The following PLCB1 variants were observed in gnomAD, a reference collection of about 807,000 sequenced individuals.
The protein encoded by PLCB1 is phospholipase C beta 1.
In PLCB1, 46 loss-of-function variants were observed where a neutral mutation model predicts 161.8. The ratio of observed to expected loss-of-function variants is 0.28; its 90% CI spans 0.22 to 0.36. PLCB1 has a LOEUF of 0.36. Ranked by LOEUF, PLCB1 falls within the 10% of genes least tolerant of loss-of-function variation. The pLI, the probability that PLCB1 is intolerant of heterozygous loss-of-function variation, is 1.00. For synonymous variants in PLCB1, 517 were observed against 503.7 expected (o/e 1.03, Z -0.35); for missense variants, 1,016 against 1,472.5 (o/e 0.69, Z 5.07).
At chr20:8,523,575 T>G (rs957683449) in intron 3 of PLCB1, among the ~76,000 whole-genome samples, 9 of 140,464 alleles carry the variant, frequency 6.4e-5, no homozygotes, top group African/African-American at 5.4e-5. Flanking sequence ...CACATGACCG[T>G]GAACGAATCT....
chr20:8,586,418 C>CT (rs774264389), intron 3 of PLCB1, among the ~76,000 whole-genome samples: 27 of 151,836 alleles, frequency 1.8e-4, no homozygotes, highest in Non-Finnish European at 3.5e-4. Flanking sequence ...TAGCCTTTGG[C>CT]TTTCTATCCA....
chr20:8,149,700 T>C (rs990195369), intron 1 of PLCB1, among the ~76,000 whole-genome samples: 2 of 152,164 alleles, frequency 1.3e-5, no homozygotes, highest in South Asian at 4.1e-4. Context: ...ATAATTACAA[T>C]GTATCCAAGT....
At chr20:8,653,707 A>C (rs960018219) in intron 7 of PLCB1, among the ~76,000 whole-genome samples, 1 of 151,990 alleles carries the variant, frequency 6.6e-6, no homozygotes, top group Admixed American at 6.6e-5. Context: ...TTATTTTTTA[A>C]ATCAAGAAAT....
chr20:8,146,645 C>G (rs576969732), intron 1 of PLCB1, among the ~76,000 whole-genome samples: 4 of 152,188 alleles, frequency 2.6e-5, no homozygotes, highest in African/African-American at 9.6e-5. Context: ...AATGTTGATT[C>G]CAGTGACTCT....
chr20:8,537,585 C>T (rs557577365), intron 3 of PLCB1, among the ~76,000 whole-genome samples: 2 of 152,112 alleles, frequency 1.3e-5, no homozygotes, highest in South Asian at 2.1e-4. Flanking sequence ...CCCTTTCCTG[C>T]CCCGCTCATG....
At chr20:8,535,710 G>T (rs1985024054) in intron 3 of PLCB1, among the ~76,000 whole-genome samples, 2 of 152,102 alleles carry the variant, frequency 1.3e-5, no homozygotes, top group East Asian at 1.9e-4. Flanking sequence ...CTCAACAGAA[G>T]AATGTGCAGT....
intron 2 of PLCB1, among the ~76,000 whole-genome samples, chr20:8,338,002 A>G (rs928349230): frequency 6.6e-6 from 1 of 152,128 alleles, no homozygotes; most frequent in African/African-American, 2.4e-5. Context: ...ACAGAGAGGG[A>G]TGAATGATGC....
At chr20:8,436,778 T>TTTTA (rs933852721) in intron 3 of PLCB1, among the ~76,000 whole-genome samples, 42 of 152,078 alleles carry the variant, frequency 2.8e-4, no homozygotes, top group African/African-American at 6.5e-4. Flanking sequence ...AGCCATGGAA[T>TTTTA]TTTATTTATT....
chr20:8,724,303 C>G (rs1979815944), intron 15 of PLCB1, among the ~76,000 whole-genome samples: 1 of 152,088 alleles, frequency 6.6e-6, no homozygotes, highest in Non-Finnish European at 1.5e-5. Flanking sequence ...GCTTCTCAAA[C>G]TTTGATGGGC....
At chr20:8,722,024 A>G (rs1355089654) in intron 14 of PLCB1, among the ~76,000 whole-genome samples, 1 of 152,188 alleles carries the variant, frequency 6.6e-6, no homozygotes, top group African/African-American at 2.4e-5. Context: ...TGTACCATAG[A>G]AAGCAAACTG....
intron 31 of PLCB1, among the ~76,000 whole-genome samples, chr20:8,847,265 A>G (rs567911896): frequency 3.9e-5 from 6 of 152,312 alleles, no homozygotes; most frequent in African/African-American, 1.4e-4. Context: ...CTCTCAATCT[A>G]TAGCCTTTCA....
intron 2 of PLCB1, among the ~76,000 whole-genome samples, chr20:8,163,373 T>G (rs1206341211): frequency 6.6e-6 from 1 of 152,140 alleles, no homozygotes; most frequent in African/African-American, 2.4e-5. Context: ...CTGAGGGGCT[T>G]CCAGGCCAGT....
chr20:8,821,647 C>T (rs916541816), intron 31 of PLCB1, among the ~76,000 whole-genome samples: 3 of 149,456 alleles, frequency 2.0e-5, no homozygotes, highest in African/African-American at 7.4e-5. Context: ...GGGATATTTT[C>T]GCATGTCAGC....
At chr20:8,244,904 T>C (rs1431444763) in intron 2 of PLCB1, among the ~76,000 whole-genome samples, 2 of 151,794 alleles carry the variant, frequency 1.3e-5, no homozygotes, top group African/African-American at 4.8e-5. Flanking sequence ...TTAACTTGTC[T>C]GTGTTTATTG....
intron 2 of PLCB1, among the ~76,000 whole-genome samples, chr20:8,178,773 C>T (rs188783300): frequency 1.8e-4 from 27 of 152,252 alleles, no homozygotes; most frequent in Admixed American, 1.5e-3. Flanking sequence ...TTCGGTTTTA[C>T]GTTTAAGTCT....
intron 9 of PLCB1, among the ~76,000 whole-genome samples, chr20:8,682,013 T>G (rs1990233891): frequency 6.6e-6 from 1 of 151,882 alleles, no homozygotes; most frequent in Non-Finnish European, 1.5e-5. Context: ...TTTCAAGGGG[T>G]GAATGGCCTT....
intron 27 of PLCB1, among the ~76,000 whole-genome samples, chr20:8,776,592 C>T (rs757681132): frequency 3.3e-5 from 5 of 152,180 alleles, no homozygotes; most frequent in Non-Finnish European, 5.9e-5. Flanking sequence ...TTCATAGATA[C>T]GTACAACCAC....
intron 23 of PLCB1, chr20:8,750,871 C>T (rs1280438999): frequency 7.3e-7 from 1 of 1,364,874 alleles, no homozygotes. Flanking sequence ...ATGGCCTTAC[C>T]TCTTACCCAT....
intron 11 of PLCB1, among the ~76,000 whole-genome samples, chr20:8,704,238 C>T (rs1342752770): frequency 6.6e-6 from 1 of 151,984 alleles, no homozygotes. Flanking sequence ...GCCTGTAGTC[C>T]CAGCTGCCTG....
Sources: gnomAD v4.1 joint callset for allele counts (sites outside exome capture counted in the v4.1 genomes callset) on GRCh38, gnomAD v4.1.1 for gene constraint, MANE v1.5 for transcripts, NCBI Gene and HGNC (gene_info 2026-07-23, HGNC 2026-07-21) for gene names.